Variants in TMOD2 observed in about 807,000 individuals in gnomAD.
TMOD2 encodes the protein tropomodulin 2, also known as tropomodulin-2.
TMOD2 carries 22 observed loss-of-function variants against 39.9 expected under a neutral mutation model. That is an observed-to-expected ratio of 0.55 (90% CI 0.39 to 0.79). The LOEUF is 0.79. Ranked by LOEUF, TMOD2 falls within the 30% of genes least tolerant of loss-of-function variation. The pLI, the probability that TMOD2 is intolerant of heterozygous loss-of-function variation, is 0.00. For synonymous variants in TMOD2, 123 were observed against 146.1 expected (o/e 0.84, Z 1.14); for missense variants, 386 against 413.3 (o/e 0.93, Z 0.57).
chr15:51,774,571 A>G (rs912341785), intron 4 of TMOD2, among the ~76,000 whole-genome samples: 1 of 152,224 alleles, frequency 6.6e-6, no homozygotes, highest in East Asian at 1.9e-4. Context: ...CTTTCCTCCC[A>G]GGAGAACCAG....
chr15:51,807,808 A>C (rs16964531), intron 9 of TMOD2, among the ~76,000 whole-genome samples: 2 of 152,206 alleles, frequency 1.3e-5, no homozygotes, highest in Non-Finnish European at 2.9e-5. Context: ...GAGAGCCTGC[A>C]GTTGGGAGAG....
At chr15:51,773,961 G>A in intron 4 of TMOD2, 127 bp downstream of exon 4, 1 of 1,068,014 alleles carries the variant, frequency 9.4e-7, no homozygotes, top group Non-Finnish European at 1.3e-6. Context: ...AAGGCATTAT[G>A]GAGCTGTAAG....
In TMOD2 at chr15:51,809,419, G is replaced by A. The variant is rs538925537; in HGVS notation, c.*965G>A. ...CACTGGATTAAATATAAACATTCAGGTTAATTATCTAGATTTTTGTCCACA... is the reference window on the plus strand; with the variant it reads ...CACTGGATTAAATATAAACATTCAGATTAATTATCTAGATTTTTGTCCACA... On this transcript the variant is annotated 3_prime_UTR_variant, in exon 10 of 10. Transcript: ENST00000249700. The A allele has an allele frequency of 3.2e-4, 49 of 152,630 alleles. No homozygotes were observed. Among genetic ancestry groups the A allele is most frequent in the African/African-American group, 1.1e-3 (46 of 41,546 alleles). The allele number at this position is 152,630 out of a possible 1,614,324, so 9.5% of individuals were successfully genotyped here.
At position 51,806,539 on chromosome 15, in the gene TMOD2, T is replaced by G. The variant is rs763630642; in HGVS notation, c.1021+18T>G. On this transcript the variant is annotated intron_variant, in intron 9 of 9. Coordinates refer to ENST00000249700, the MANE Select transcript of TMOD2 (RefSeq NM_014548.4). Reference sequence around the variant, plus strand: ...TGACCTGGGTAATTCAGCCATAATATTTGCTGTTAACAATTAGAAGAGCAT... The same window carrying G: ...TGACCTGGGTAATTCAGCCATAATAGTTGCTGTTAACAATTAGAAGAGCAT... The G allele has an allele frequency of 2.2e-5, 35 of 1,613,768 alleles. No individual in the cohort carries two copies. Among genetic ancestry groups the G allele is most frequent in the Middle Eastern group, 3.3e-4 (2 of 6,082 alleles).
chr15:51,773,894 G>A (rs2055870469), intron 4 of TMOD2, 60 bp downstream of exon 4: 2 of 1,532,912 alleles, frequency 1.3e-6, no homozygotes, highest in South Asian at 2.5e-5. Context: ...GCATGCACTG[G>A]CACCCATGGC....
chr15:51,791,271 A>G (rs2056009858), intron 7 of TMOD2, among the ~76,000 whole-genome samples: 1 of 152,212 alleles, frequency 6.6e-6, no homozygotes, highest in South Asian at 2.1e-4. Flanking sequence ...AGAGAATAAA[A>G]TACCTAGGAA....
At chr15:51,765,112 T>G (rs796567470) in intron 1 of TMOD2, among the ~76,000 whole-genome samples, 4 of 152,148 alleles carry the variant, frequency 2.6e-5, no homozygotes, top group African/African-American at 9.7e-5. Context: ...GCAATTCTCC[T>G]GCCTCAGCCT....
intron 2 of TMOD2, among the ~76,000 whole-genome samples, chr15:51,767,331 C>T (rs1022936062): frequency 6.6e-6 from 1 of 152,122 alleles, no homozygotes; most frequent in Non-Finnish European, 1.5e-5. Context: ...CGGCCCCAAA[C>T]GCAGATTTTT....
At chr15:51,781,823 A>AGTGTGTGT (rs57436390) in intron 6 of TMOD2, among the ~76,000 whole-genome samples, 8 of 149,390 alleles carry the variant, frequency 5.4e-5, no homozygotes, top group Non-Finnish European at 1.2e-4. Context: ...AGAGAGAGAG[A>AGTGTGTGT]GTGTGTGTGT....
intron 6 of TMOD2, among the ~76,000 whole-genome samples, chr15:51,782,381 T>C (rs2055936682): frequency 6.6e-6 from 1 of 152,202 alleles, no homozygotes; most frequent in Non-Finnish European, 1.5e-5. Flanking sequence ...AGAACGACTT[T>C]GGTATATTAA....
intron 7 of TMOD2, among the ~76,000 whole-genome samples, chr15:51,787,018 C>T (rs575506836): frequency 1.2e-4 from 18 of 152,278 alleles, no homozygotes; most frequent in African/African-American, 4.1e-4. Context: ...TGAAGCAGGG[C>T]GGGGCATCAC....
rs997529959 is a variant in TMOD2, at chr15:51,802,538, T to C, written c.877-3839T>C. Among the ~76,000 whole-genome samples, 15 of 152,338 alleles carry C rather than the reference T, an allele frequency of 9.8e-5. No individual in the cohort carries two copies. The East Asian group carries it at 1.5e-3, about 16-fold the overall frequency. On this transcript the variant is annotated intron_variant, in intron 8 of 9. Transcript: ENST00000249700. ...GCTACTTGGAGAGGAGGGACTCAGA[T>C]ACTTGGGAATATAGGTGATTTGGGG...
At chr15:51,773,328 C>A (rs11070869) in intron 3 of TMOD2, among the ~76,000 whole-genome samples, 61,228 of 152,036 alleles carry the variant, frequency 0.4, 12,484 homozygotes, top group Middle Eastern at 0.45. Context: ...CATGGTTCCT[C>A]CCCTGGAGGG....
intron 8 of TMOD2, among the ~76,000 whole-genome samples, chr15:51,804,554 CGTTTT>C (rs1203836873): frequency 3.2e-3 from 476 of 150,482 alleles, no homozygotes; most frequent in South Asian, 8.9e-3. Context: ...CAAGCCTGTA[CGTTTT>C]GTTTTGTTTT....
At chr15:51,798,031 G>C (rs1329978195) in intron 7 of TMOD2, among the ~76,000 whole-genome samples, 166 bp from the exon 8 acceptor site, 1 of 151,984 alleles carries the variant, frequency 6.6e-6, no homozygotes, top group African/African-American at 2.4e-5. Context: ...TTTAATTGTG[G>C]TTTTAAATTG....
intron 7 of TMOD2, chr15:51,784,123 A>G (rs2055952638): frequency 6.6e-6 from 1 of 152,240 alleles, no homozygotes; most frequent in African/African-American, 2.4e-5. Flanking sequence ...AGGTAATACA[A>G]CCAGTAAATG....
chr15:51,803,225 G>C (rs892416353), intron 8 of TMOD2, among the ~76,000 whole-genome samples: 1 of 139,130 alleles, frequency 7.2e-6, no homozygotes, highest in African/African-American at 2.8e-5. Flanking sequence ...CTGTCACCCA[G>C]GCTGGAGTGC....
At chr15:51,804,970 G>A (rs952956899) in intron 8 of TMOD2, among the ~76,000 whole-genome samples, 6 of 146,928 alleles carry the variant, frequency 4.1e-5, no homozygotes, top group African/African-American at 1.5e-4. Flanking sequence ...ATTTGTTTTT[G>A]TTTTTTGAGA....
intron 7 of TMOD2, among the ~76,000 whole-genome samples, chr15:51,790,186 C>T (rs574404649): frequency 3.3e-5 from 5 of 152,254 alleles, no homozygotes; most frequent in African/African-American, 1.2e-4. Context: ...CACCACTGAT[C>T]CCACAGAAAT....
Sources: allele counts gnomAD v4.1 joint callset (sites outside exome capture counted in the v4.1 genomes callset), GRCh38; gene constraint gnomAD v4.1.1; transcripts MANE v1.5; gene names NCBI Gene and HGNC (gene_info 2026-07-23, HGNC 2026-07-21).